The following MLLT3 variants were observed in gnomAD, a reference collection of about 807,000 sequenced individuals.
MLLT3 encodes protein AF-9.
A neutral mutation model predicts 53.2 loss-of-function variants in MLLT3; 4 were observed. The ratio of observed to expected loss-of-function variants is 0.08; its 90% confidence interval spans 0.04 to 0.17. MLLT3 has a LOEUF of 0.17. Among genes scored for constraint, MLLT3 ranks in the 10% least tolerant of loss-of-function variants. The pLI, the probability that MLLT3 is intolerant of heterozygous loss-of-function variation, is 1.00. For missense variants in MLLT3, 569 were observed against 684.0 expected (o/e 0.83, Z 1.87); for synonymous variants, 283 against 230.6 (o/e 1.23, Z -2.06).
intron 2 of MLLT3, among the ~76,000 whole-genome samples, chr9:20,616,130 T>C (rs1484163736): frequency 6.6e-6 from 1 of 152,174 alleles, no homozygotes; most frequent in African/African-American, 2.4e-5. Context: ...CCAATAAGTA[T>C]GAAAACAGTT....
At chr9:20,404,774 G>A (rs1822539938) in intron 5 of MLLT3, among the ~76,000 whole-genome samples, 1 of 152,096 alleles carries the variant, frequency 6.6e-6, no homozygotes, top group African/African-American at 2.4e-5. Flanking sequence ...CCAAAGCACT[G>A]GGATTATAGG....
chr9:20,555,791 TAAATA>T (rs946216142), intron 2 of MLLT3, among the ~76,000 whole-genome samples: 1 of 152,050 alleles, frequency 6.6e-6, no homozygotes, highest in Non-Finnish European at 1.5e-5. Flanking sequence ...TTGATGCAAA[TAAATA>T]AATAAGAAAC....
chr9:20,512,920 A>AC (rs1353381892), intron 2 of MLLT3, among the ~76,000 whole-genome samples: 1 of 152,246 alleles, frequency 6.6e-6, no homozygotes, highest in Non-Finnish European at 1.5e-5. Context: ...CTAAGTAAAT[A>AC]ATACATACAT....
chr9:20,572,004 A>T (rs1454099884), intron 2 of MLLT3, among the ~76,000 whole-genome samples: 7 of 152,354 alleles, frequency 4.6e-5, no homozygotes, highest in African/African-American at 1.7e-4. Flanking sequence ...CAATCACATG[A>T]TCCACCAATT....
At position 20,343,018 on chromosome 9, in the gene MLLT3, C is replaced by T. The variant is rs1007330677; in HGVS notation, c.*3425G>A. 2.1e-5 allele frequency: 4 copies of T among 188,524 alleles called. No homozygotes were observed. The South Asian group carries it at 7.9e-4, about 37-fold the overall frequency. The allele number at this position is 188,524 out of a possible 1,614,324, so 11.7% of individuals were successfully genotyped here. A position where few individuals can be genotyped will look rare whatever the true frequency, so the allele number is the denominator to read the frequency against. On this transcript the variant is annotated 3_prime_UTR_variant, in exon 11 of 11. Coordinates refer to ENST00000380338, the MANE Select transcript of MLLT3 (RefSeq NM_004529.4). ...ACTGTTTCCAACACTGGACATCCAA[C>T]TCCATTAAGTAGGCAAAGTTAAAAC...
rs113729747 is a variant in MLLT3, at chr9:20,532,747, C to CA, written c.194-75962dup. ...GCCCCACTATATCAGGTTGCAGCAG[C>CA]AGAGCCATCCTATTACAAGCGGCTG... On this transcript the variant is annotated intron_variant, in intron 2 of 10. Coordinates refer to ENST00000380338, the MANE Select transcript of MLLT3 (RefSeq NM_004529.4). 7 of 265,946 alleles carry CA rather than the reference C, an allele frequency of 2.6e-5. 1 individual carries two copies. Among genetic ancestry groups the CA allele is most frequent in the African/African-American group, 1.4e-4 (6 of 43,830 alleles). The allele number at this position is 265,946 out of a possible 1,614,324, so 16.5% of individuals were successfully genotyped here.
At chr9:20,571,910 CT>C (rs1819541711) in intron 2 of MLLT3, among the ~76,000 whole-genome samples, 1 of 152,156 alleles carries the variant, frequency 6.6e-6, no homozygotes, top group African/African-American at 2.4e-5. Flanking sequence ...AAAGGAAATC[CT>C]TGCACACTGT....
chr9:20,398,022 T>C (rs1822364673), intron 5 of MLLT3, among the ~76,000 whole-genome samples: 1 of 152,168 alleles, frequency 6.6e-6, no homozygotes, highest in East Asian at 1.9e-4. Context: ...TCTTTCACAA[T>C]ACTTGCCCCT....
intron 9 of MLLT3, 96 bp from the exon 10 acceptor site, chr9:20,353,692 C>T (rs1235638335): frequency 1.0e-5 from 11 of 1,062,242 alleles, no homozygotes; most frequent in Non-Finnish European, 1.6e-5. Context: ...GCAGCAGCAG[C>T]TGGAGGTTTC....
intron 5 of MLLT3, among the ~76,000 whole-genome samples, chr9:20,394,668 G>A (rs916632058): frequency 1.3e-5 from 2 of 152,024 alleles, no homozygotes; most frequent in African/African-American, 4.8e-5. Context: ...TTTTCTGGGG[G>A]TTACCTTTAG....
intron 2 of MLLT3, among the ~76,000 whole-genome samples, chr9:20,567,511 A>T (rs1375095036): frequency 2.0e-5 from 3 of 152,122 alleles, no homozygotes; most frequent in African/African-American, 7.2e-5. Flanking sequence ...TGTTTTAGTA[A>T]ATCTTCAGAT....
chr9:20,428,121 A>G (rs1049468508), intron 4 of MLLT3, among the ~76,000 whole-genome samples: 1 of 152,116 alleles, frequency 6.6e-6, no homozygotes, highest in Non-Finnish European at 1.5e-5. Flanking sequence ...TAGTTGCTAA[A>G]CATCAGAAAA....
At chr9:20,489,874 CCA>C (rs1331622090) in intron 2 of MLLT3, among the ~76,000 whole-genome samples, 1 of 151,946 alleles carries the variant, frequency 6.6e-6, no homozygotes, top group Non-Finnish European at 1.5e-5. Context: ...GCCAGAGATA[CCA>C]AATCAAACTC....
intron 2 of MLLT3, among the ~76,000 whole-genome samples, chr9:20,506,646 T>C (rs923440449): frequency 6.6e-6 from 1 of 152,218 alleles, no homozygotes; most frequent in Non-Finnish European, 1.5e-5. Context: ...AAACAGACCT[T>C]GGCACACATA....
At chr9:20,370,049 G>T (rs1339613253) in intron 5 of MLLT3, among the ~76,000 whole-genome samples, 1 of 152,174 alleles carries the variant, frequency 6.6e-6, no homozygotes, top group Admixed American at 6.5e-5. Context: ...ACTTCTTGCT[G>T]ATCCTCTAAC....
chr9:20,497,405 T>A (rs1825104526), intron 2 of MLLT3, among the ~76,000 whole-genome samples: 2 of 152,156 alleles, frequency 1.3e-5, no homozygotes, highest in Non-Finnish European at 2.9e-5. Context: ...CATCAACCCC[T>A]AAAAGTTTTC....
chr9:20,562,656 T>C (rs1819246236), intron 2 of MLLT3, among the ~76,000 whole-genome samples: 1 of 152,150 alleles, frequency 6.6e-6, no homozygotes, highest in South Asian at 2.1e-4. Context: ...CAGATACATG[T>C]GCAATTTTAT....
intron 2 of MLLT3, among the ~76,000 whole-genome samples, chr9:20,503,620 T>G (rs1046645295): frequency 3.9e-5 from 6 of 152,076 alleles, no homozygotes; most frequent in Non-Finnish European, 7.4e-5. Context: ...AAATTCTCCA[T>G]GACATTATTC....
intron 2 of MLLT3, among the ~76,000 whole-genome samples, chr9:20,606,222 C>T (rs1469715429): frequency 6.6e-6 from 1 of 151,934 alleles, no homozygotes; most frequent in East Asian, 1.9e-4. Context: ...TTCAAGACCA[C>T]CCATTGAAAA....
Sources: gnomAD v4.1 joint callset for allele counts (sites outside exome capture counted in the v4.1 genomes callset) on GRCh38, gnomAD v4.1.1 for gene constraint, MANE v1.5 for transcripts, NCBI Gene and HGNC (gene_info 2026-07-23, HGNC 2026-07-21) for gene names.